GPC6: variants seen among roughly 807,000 people sequenced by gnomAD.
GPC6 encodes glypican-6.
In GPC6, 14 loss-of-function variants were observed where a neutral mutation model predicts 55.2. That is an observed-to-expected ratio of 0.25 (90% confidence interval 0.17 to 0.40). The LOEUF is 0.40. GPC6 is among the 10% of genes least tolerant of loss of function. GPC6 has a pLI of 1.00. For synonymous variants in GPC6, 278 were observed against 259.6 expected, an observed-to-expected ratio of 1.07 and a Z score of -0.68; for missense variants, 641 against 708.5, an observed-to-expected ratio of 0.90 and a Z score of 1.08.
At chr13:93,825,032 G>A (rs1012068081) in intron 2 of GPC6, among the ~76,000 whole-genome samples, 2 of 151,898 alleles carry the variant, frequency 1.3e-5, no homozygotes, top group African/African-American at 4.8e-5. Flanking sequence ...ACAAATCATG[G>A]GGTTGATGAG....
intron 2 of GPC6, among the ~76,000 whole-genome samples, chr13:93,785,086 G>T (rs1279637728): frequency 1.3e-5 from 2 of 152,070 alleles, no homozygotes; most frequent in Non-Finnish European, 2.9e-5. Context: ...AACTAACAAG[G>T]TGGCATTCAT....
intron 4 of GPC6, among the ~76,000 whole-genome samples, chr13:94,165,364 A>G (rs1888330083): frequency 6.6e-6 from 1 of 151,658 alleles, no homozygotes; most frequent in Non-Finnish European, 1.5e-5. Context: ...GGAATTGGAG[A>G]CTATTATTCT....
intron 1 of GPC6, among the ~76,000 whole-genome samples, chr13:93,246,673 C>G (rs951640995): frequency 1.3e-5 from 2 of 151,100 alleles, no homozygotes; most frequent in African/African-American, 4.9e-5. Context: ...TGGTGGGCAC[C>G]TGTATTCCCA....
chr13:93,227,479 T>A lies in GPC6; in HGVS notation c.23T>A (p.Val8Glu), dbSNP rs1336683972. 6.2e-7 allele frequency: 1 copy of A among 1,613,804 alleles called. No homozygotes were observed. The highest frequency in any genetic ancestry group is 8.5e-7 in the Non-Finnish European group (1 of 1,179,884). ...ACCATGCCTTCTTGGATCGGGGCTG[T>A]GATTCTTCCCCTCTTGGGGCTGCTG... MPSWIGA[V>E]ILPLLGLLLS... The change falls in exon 1 of 9, where the codon GTG becomes GAG. Residue 8 changes from valine to glutamate, a missense_variant. By Grantham distance (121) the Val-to-Glu change is moderately radical (BLOSUM62 -2). Transcript: ENST00000377047. The surrounding 1 kb of genome is among the most constrained non-coding windows in gnomAD (Gnocchi z 4.3).
At chr13:93,368,472 A>G (rs924606594) in intron 1 of GPC6, among the ~76,000 whole-genome samples, 32 of 151,104 alleles carry the variant, frequency 2.1e-4, no homozygotes, top group African/African-American at 6.6e-4. Context: ...TGTCTTAAAA[A>G]GCTTGGTTGT....
intron 4 of GPC6, among the ~76,000 whole-genome samples, chr13:94,033,653 T>A (rs762457416): frequency 4.6e-5 from 7 of 152,192 alleles, no homozygotes; most frequent in Non-Finnish European, 7.3e-5. Context: ...TAAAAGTCCA[T>A]AATATAATTC....
At chr13:93,342,071 G>A (rs778953280) in intron 1 of GPC6, among the ~76,000 whole-genome samples, 8 of 151,666 alleles carry the variant, frequency 5.3e-5, no homozygotes, top group East Asian at 1.9e-4. Flanking sequence ...GGGTTTCACC[G>A]TGTTAGCCAG....
intron 4 of GPC6, among the ~76,000 whole-genome samples, chr13:94,218,995 T>G (rs1594069404): frequency 6.6e-6 from 1 of 152,320 alleles, no homozygotes; most frequent in East Asian, 1.9e-4. Flanking sequence ...ATTTAAAAAA[T>G]GATATGATAT....
chr13:94,084,540 C>A (rs1233853351), intron 4 of GPC6, among the ~76,000 whole-genome samples: 1 of 151,944 alleles, frequency 6.6e-6, no homozygotes, highest in Non-Finnish European at 1.5e-5. Context: ...CAAATGAATT[C>A]AAATGTCAGT....
intron 6 of GPC6, among the ~76,000 whole-genome samples, chr13:94,317,388 T>C (rs1876591796): frequency 6.6e-6 from 1 of 152,184 alleles, no homozygotes. Context: ...TTGCAGCTCC[T>C]TGAATGCTAG....
At chr13:93,735,873 A>G (rs1883983139) in intron 2 of GPC6, among the ~76,000 whole-genome samples, 1 of 152,180 alleles carries the variant, frequency 6.6e-6, no homozygotes, top group South Asian at 2.1e-4. Flanking sequence ...TTGGCTAATT[A>G]ATTCTGAAAA....
intron 4 of GPC6, among the ~76,000 whole-genome samples, chr13:94,144,587 G>C (rs1887498502): frequency 2.0e-5 from 3 of 151,812 alleles, no homozygotes; most frequent in Non-Finnish European, 4.4e-5. Context: ...AAGACAGAGA[G>C]AGAGAGGGAT....
intron 3 of GPC6, among the ~76,000 whole-genome samples, chr13:93,843,472 G>T (rs1054872531): frequency 1.3e-5 from 2 of 152,166 alleles, no homozygotes; most frequent in African/African-American, 4.8e-5. Context: ...ACAAAAAAAT[G>T]TGTGGTAGAA....
chr13:93,795,217 T>C (rs114776576), intron 2 of GPC6, among the ~76,000 whole-genome samples: 120 of 152,304 alleles, frequency 7.9e-4, no homozygotes, highest in African/African-American at 2.8e-3. Flanking sequence ...TGGGGAGATG[T>C]GCTGTGCTAC....
intron 1 of GPC6, among the ~76,000 whole-genome samples, chr13:93,257,744 A>T (rs953048961): frequency 6.6e-6 from 1 of 152,212 alleles, no homozygotes; most frequent in Non-Finnish European, 1.5e-5. Context: ...GGGAAAGCAG[A>T]TAAGCCAGGC....
chr13:93,225,989 T>C (rs4142178), upstream of GPC6, among the ~76,000 whole-genome samples: 1 of 152,212 alleles, frequency 6.6e-6, no homozygotes, highest in African/African-American at 2.4e-5. Flanking sequence ...GTGCGTCCAT[T>C]AGCATAACAA....
intron 4 of GPC6, among the ~76,000 whole-genome samples, chr13:94,031,706 A>G (rs976176602): frequency 6.6e-6 from 1 of 152,174 alleles, no homozygotes; most frequent in Non-Finnish European, 1.5e-5. Flanking sequence ...TTAAATTAAA[A>G]TCTCCTAGAG....
chr13:93,883,976 G>A (rs1875159321), intron 3 of GPC6, among the ~76,000 whole-genome samples: 1 of 152,040 alleles, frequency 6.6e-6, no homozygotes, highest in Admixed American at 6.6e-5. Context: ...AACTTAAATT[G>A]TTACATATAA....
chr13:93,767,698 C>G (rs570862077), intron 2 of GPC6, among the ~76,000 whole-genome samples: 1 of 152,068 alleles, frequency 6.6e-6, no homozygotes, highest in Admixed American at 6.6e-5. Flanking sequence ...CAGTAAAAAC[C>G]GATTACCATC....
Sources: gnomAD v4.1 joint callset for allele counts (sites outside exome capture counted in the v4.1 genomes callset) on GRCh38, gnomAD v4.1.1 for gene constraint, Gnocchi (gnomAD v3.1) non-coding constraint, MANE v1.5 for transcripts, NCBI Gene and HGNC (gene_info 2026-07-23, HGNC 2026-07-21) for gene names.